The following LINC00632 variants were observed in gnomAD, a reference collection of about 807,000 sequenced individuals.
The protein encoded by LINC00632 is long independently transcribed non-coding RNA 632, also known as ALDOA related specific transcript.
At chrX:140,718,324 AT>A (rs1403612423) in intron 2 of LINC00632, among the ~76,000 whole-genome samples, 1 of 110,213 alleles carries the variant, frequency 9.1e-6, no homozygotes, top group Non-Finnish European at 1.9e-5. Flanking sequence ...TGCATAGAAT[AT>A]CCCTCATAAA....
At chrX:140,711,854 C>T (rs1163234721) in intron 2 of LINC00632, 3 of 145,318 alleles carry the variant, frequency 2.1e-5, no homozygotes, top group Non-Finnish European at 4.3e-5. Flanking sequence ...TTTTTTCTTT[C>T]CTTTGATTAG....
At chrX:140,784,650 C>T in exon 5 of LINC00632, 1 of 392,446 alleles carries the variant, frequency 2.5e-6, no homozygotes, top group Non-Finnish European at 4.6e-6. Context: ...CCAGTGTCTG[C>T]AATATCCAGG....
At chrX:140,786,050 T>C (rs1932014115) in exon 5 of LINC00632, among the ~76,000 whole-genome samples, 1 of 111,990 alleles carries the variant, frequency 8.9e-6, no homozygotes, top group South Asian at 3.7e-4. Flanking sequence ...CCTTCAGCAA[T>C]GTTGCTACCC....
At chrX:140,735,231 A>T in intron 3 of LINC00632, among the ~76,000 whole-genome samples, 1 of 111,607 alleles carries the variant, frequency 9.0e-6, no homozygotes, top group East Asian at 2.8e-4. Context: ...TCATGTAGTG[A>T]CCTGTCATCA....
Position 140,783,742 on chromosome X carries a change from A to G in LINC00632, n.11761A>G, listed in dbSNP as rs542725946. 1,044 of 1,209,380 alleles carry G rather than the reference A, an allele frequency of 8.6e-4. 6 individuals carry two copies. The South Asian group carries it at 0.017, about 20-fold the overall frequency. ...CTTCCAGTCAATCCACATCTTCCGG[A>G]AAAAATCCAGGTCTTCCAGCCAATA... On this transcript the variant is annotated non_coding_transcript_exon_variant, in exon 5 of 5. Coordinates refer to ENST00000648200, the Ensembl canonical transcript of LINC00632.
intron 2 of LINC00632, among the ~76,000 whole-genome samples, chrX:140,731,912 C>T (rs999001445): frequency 9.0e-6 from 1 of 111,244 alleles, no homozygotes; most frequent in Non-Finnish European, 1.9e-5. Flanking sequence ...CACTCAAAAC[C>T]CCCATTACAG....
Position 140,743,113 on chromosome X carries a change from T to C in LINC00632, n.191+9149T>C, listed in dbSNP as rs534523211. Among the ~76,000 whole-genome samples, 12 of 104,635 alleles carry C rather than the reference T, an allele frequency of 1.1e-4. No homozygotes were observed. In the South Asian group the frequency reaches 5.3e-3, roughly 46 times the overall value. 90.9% of individuals were successfully genotyped at this position (104,635 alleles called of 115,157 possible). ...AGTGGCGGGCACCTGTAATTCCAGC[T>C]ATTCGGGAGGCTGAGGCAGGAGAAT... On this transcript the variant is annotated intron_variant and non_coding_transcript_variant, in intron 3 of 4. Transcript: ENST00000648200.
Position 140,750,787 on chromosome X carries a change from C to T in LINC00632, n.191+16823C>T, listed in dbSNP as rs144855461. On this transcript the variant is annotated intron_variant and non_coding_transcript_variant, in intron 3 of 4. Coordinates refer to ENST00000648200, the Ensembl canonical transcript of LINC00632. ...TGCTCACTCTCCACACATCCTTTCCCGGTGAGTCTCCAAAGTCCATTATAT... is the reference window on the plus strand; with the variant it reads ...TGCTCACTCTCCACACATCCTTTCCTGGTGAGTCTCCAAAGTCCATTATAT... 7.1e-3 allele frequency among the ~76,000 whole-genome samples: 783 copies of T among 110,472 alleles called. 3 individuals carry two copies. The highest frequency in any genetic ancestry group is 0.016 in the South Asian group (41 of 2,505).
chrX:140,748,479 C>T (rs1464558322), intron 3 of LINC00632, among the ~76,000 whole-genome samples: 1 of 111,379 alleles, frequency 9.0e-6, no homozygotes, highest in Non-Finnish European at 1.9e-5. Flanking sequence ...TTTCTCTTCC[C>T]TCAACCTAAT....
At chrX:140,784,339 G>T (rs751335635) in exon 5 of LINC00632, 11 of 1,208,659 alleles carry the variant, frequency 9.1e-6, no homozygotes, top group Non-Finnish European at 1.2e-5. Context: ...ACGTCTTCCA[G>T]AAAATCCACG....
chrX:140,717,324 T>C (rs2148376943), intron 2 of LINC00632, among the ~76,000 whole-genome samples: 1 of 110,253 alleles, frequency 9.1e-6, no homozygotes, highest in African/African-American at 3.3e-5. Context: ...CATAAAGAAC[T>C]ACATGCCCCA....
rs1283250427 is a variant in LINC00632, at chrX:140,768,619, TAATA to T, written n.192-3454_192-3451del. 6.0e-3 allele frequency among the ~76,000 whole-genome samples: 496 copies of T among 82,097 alleles called. 1 individual carries two copies. Among genetic ancestry groups the T allele is most frequent in the African/African-American group, 0.018 (456 of 24,876 alleles). 71.3% of individuals were successfully genotyped at this position (82,097 alleles called of 115,157 possible). A position where few individuals can be genotyped will look rare whatever the true frequency, so the allele number is the denominator to read the frequency against. On this transcript the variant is annotated intron_variant and non_coding_transcript_variant, in intron 3 of 4. Coordinates refer to ENST00000648200, the Ensembl canonical transcript of LINC00632. ...TATATATAAATATATATTTATCACA[TAATA>T]AATATATATACTATATAATATATTT... is the stretch of plus-strand genomic sequence containing the variant.
intron 2 of LINC00632, among the ~76,000 whole-genome samples, chrX:140,730,001 C>G (rs1931031875): frequency 9.2e-6 from 1 of 108,429 alleles, no homozygotes; most frequent in Non-Finnish European, 1.9e-5. Flanking sequence ...CTCAGCCTCC[C>G]CAGTAGCTGA....
At chrX:140,778,637 A>C (rs945839102) in exon 5 of LINC00632, among the ~76,000 whole-genome samples, 29 of 106,771 alleles carry the variant, frequency 2.7e-4, no homozygotes, top group African/African-American at 8.5e-4. Flanking sequence ...AAAAAAAAAG[A>C]ACTGTTTTGA....
At chrX:140,723,808 A>G (rs1930821587) in intron 2 of LINC00632, among the ~76,000 whole-genome samples, 2 of 11,302 alleles carry the variant, frequency 1.8e-4, no homozygotes, top group African/African-American at 9.5e-4. Flanking sequence ...ACACACACAT[A>G]CACAGACACA....
At chrX:140,732,120 C>G (rs185090226) in intron 2 of LINC00632, among the ~76,000 whole-genome samples, 1 of 111,177 alleles carries the variant, frequency 9.0e-6, no homozygotes, top group African/African-American at 3.3e-5. Context: ...AGGAGAATCG[C>G]TTGAACCCGG....
chrX:140,765,055 C>T (rs1931664876), intron 3 of LINC00632, among the ~76,000 whole-genome samples: 1 of 111,363 alleles, frequency 9.0e-6, no homozygotes, highest in Admixed American at 9.5e-5. Flanking sequence ...AAGTTATAGC[C>T]AAAATTCCGC....
chrX:140,764,366 G>A (rs1931648179), intron 3 of LINC00632, among the ~76,000 whole-genome samples: 2 of 95,924 alleles, frequency 2.1e-5, no homozygotes, highest in South Asian at 1.2e-3. Context: ...GGGGGCGGGG[G>A]TGGGGGTGGG....
chrX:140,713,739 C>G (rs141725862), intron 2 of LINC00632: 3,476 of 339,135 alleles, frequency 0.01, 23 homozygotes, highest in South Asian at 0.025. Flanking sequence ...ACACCCCAAT[C>G]CCCGTATCAT....
Sources: allele counts gnomAD v4.1 joint callset (sites outside exome capture counted in the v4.1 genomes callset), GRCh38; gene constraint gnomAD v4.1.1; transcripts MANE v1.5; gene names NCBI Gene and HGNC (gene_info 2026-07-23, HGNC 2026-07-21).